The following DNAH3 variants were observed in gnomAD, a reference collection of about 807,000 sequenced individuals.
The protein encoded by DNAH3 is axonemal beta dynein heavy chain 3.
DNAH3 carries 332 observed loss-of-function variants against 432.5 expected under a neutral mutation model. The observed-to-expected ratio is 0.77, with a 90% CI of 0.70 to 0.84. The LOEUF is 0.84. Ranked by LOEUF, DNAH3 falls within the 40% of genes least tolerant of loss-of-function variation. The pLI is 0.00. For synonymous variants in DNAH3, 1,956 were observed against 1,900.2 expected (o/e 1.03, Z -0.76); for missense variants, 4,861 against 5,114.0 (o/e 0.95, Z 1.51).
chr16:20,988,035 G>A (rs1338573599), exon 45 of DNAH3: 1 of 1,614,024 alleles, frequency 6.2e-7, no homozygotes, highest in African/African-American at 1.3e-5. Context: ...GGCATTGATG[G>A]AAATGATATT....
chr16:20,936,632 C>G lies in DNAH3; in HGVS notation c.11859+17G>C. On this transcript the variant is annotated intron_variant, in intron 60 of 61. Coordinates refer to ENST00000261383, the Ensembl canonical transcript of DNAH3. ...GCAAGCATGCCAGGTTCCCGGTTAC[C>G]CCTGACTCCCAGGTACCTGGAAGAA... The G allele has an allele frequency of 6.3e-7, 1 of 1,575,444 alleles. No individual in the cohort carries two copies.
intron 51 of DNAH3, among the ~76,000 whole-genome samples, chr16:20,972,739 A>ATT (rs34245316): frequency 0.055 from 5,300 of 95,698 alleles, 316 homozygotes; most frequent in African/African-American, 0.15. Flanking sequence ...ATGCCCCGTG[A>ATT]TTTTTTTTTT....
chr16:20,985,497 G>A (rs2086146799), exon 48 of DNAH3: 2 of 1,614,184 alleles, frequency 1.2e-6, no homozygotes, highest in South Asian at 1.1e-5. Context: ...TCCTAGAGAT[G>A]TGCTCAATGG....
exon 62 of DNAH3, chr16:20,933,450 C>T: frequency 6.2e-7 from 1 of 1,613,694 alleles, no homozygotes; most frequent in Non-Finnish European, 8.5e-7. Context: ...AAGAAGAGCC[C>T]TTTGATGTAG....
In DNAH3 at chr16:21,116,500, C is replaced by G. The variant is rs372481808; in HGVS notation, c.1814+703G>C. Among the ~76,000 whole-genome samples, 58 of 152,214 alleles carry G rather than the reference C, an allele frequency of 3.8e-4. No homozygotes were observed. In the South Asian group the frequency reaches 0.012, roughly 31 times the overall value. The stretch of plus-strand genomic sequence containing the variant: ...TTCCCCTTTTGCCACGACCGACCGA[C>G]CATAAGTTTCCTGAGGCCACCCCAG... On this transcript the variant is annotated intron_variant, in intron 12 of 61. Transcript: ENST00000261383.
intron 1 of DNAH3, among the ~76,000 whole-genome samples, chr16:21,148,531 C>A (rs1041006753): frequency 6.6e-6 from 1 of 151,866 alleles, no homozygotes; most frequent in Non-Finnish European, 1.5e-5. Context: ...GCAACCTCCA[C>A]CCCCTAGGTT....
chr16:20,985,005 AAC>A (rs2086118884), intron 48 of DNAH3, 42 bp downstream of exon 48: 2 of 1,522,626 alleles, frequency 1.3e-6, no homozygotes, highest in Non-Finnish European at 8.9e-7. Context: ...AAGACCCCAA[AAC>A]ACCCAGAAGA....
chr16:20,961,072 A>C lies in DNAH3; in HGVS notation c.10601-1668T>G, dbSNP rs140553632. Among the ~76,000 whole-genome samples the C allele has an allele frequency of 6.2e-3, 946 of 152,330 alleles. 4 individuals are homozygous for C. The highest frequency in any genetic ancestry group is 0.027 in the Middle Eastern group (8 of 294). The stretch of plus-strand genomic sequence containing the variant: ...TTGCTGATGGTGAACTCACACTAAA[A>C]AAAAACCTACACGAGGAAGTACATC... On this transcript the variant is annotated intron_variant, in intron 53 of 61. Transcript: ENST00000261383.
intron 39 of DNAH3, among the ~76,000 whole-genome samples, chr16:21,023,078 T>C (rs2088336076): frequency 6.6e-6 from 1 of 152,222 alleles, no homozygotes; most frequent in Non-Finnish European, 1.5e-5. Context: ...TGACTTTCCC[T>C]ATACACATTT....
intron 18 of DNAH3, among the ~76,000 whole-genome samples, chr16:21,094,768 C>T (rs1327570726): frequency 6.6e-6 from 1 of 152,106 alleles, no homozygotes; most frequent in Admixed American, 6.6e-5. Flanking sequence ...CCCATAATCC[C>T]CACATGTTGT....
At chr16:21,141,497 G>GCA (rs2092718838) in intron 3 of DNAH3, 125 bp from the exon 5 acceptor site, 2 of 651,964 alleles carry the variant, frequency 3.1e-6, no homozygotes, top group Non-Finnish European at 5.2e-6. Flanking sequence ...GGTACGGTGT[G>GCA]ACGTGGCAGG....
chr16:20,990,264 T>C (rs1445676134), intron 44 of DNAH3, among the ~76,000 whole-genome samples: 1 of 152,272 alleles, frequency 6.6e-6, no homozygotes, highest in Non-Finnish European at 1.5e-5. Context: ...GGTATCCTTA[T>C]ATCATCTATC....
intron 19 of DNAH3, among the ~76,000 whole-genome samples, chr16:21,084,997 T>A (rs1483903525): frequency 6.9e-6 from 1 of 144,372 alleles, no homozygotes; most frequent in Non-Finnish European, 1.5e-5. Flanking sequence ...AAGTCCTAGT[T>A]AGGCTGGGTC....
chr16:20,938,969 T>C (rs2083701289), intron 59 of DNAH3, among the ~76,000 whole-genome samples: 1 of 152,120 alleles, frequency 6.6e-6, no homozygotes, highest in Non-Finnish European at 1.5e-5. Context: ...TTTGCCATGT[T>C]GCCCAAGCTG....
chr16:20,982,951 G>A, intron 48 of DNAH3, 65 bp from the exon 49 acceptor site: 1 of 1,589,144 alleles, frequency 6.3e-7, no homozygotes, highest in Non-Finnish European at 8.6e-7. Flanking sequence ...GAGGCAGGCG[G>A]GTATTCCCAA....
Position 20,971,587 on chromosome 16 carries a change from A to G in DNAH3, c.8260-1597T>C, listed in dbSNP as rs533115047. ...CCCTGGAAGAGGGATGGGATGGCAG[A>G]GACTTGAGCCTCACCCTTTGCACCG... On this transcript the variant is annotated intron_variant, in intron 51 of 61. Coordinates refer to ENST00000261383, the Ensembl canonical transcript of DNAH3. Among the ~76,000 whole-genome samples the G allele has an allele frequency of 7.6e-4, 115 of 152,252 alleles. 1 individual carries two copies. The highest frequency in any genetic ancestry group is 2.6e-3 in the African/African-American group (108 of 41,548).
intron 31 of DNAH3, among the ~76,000 whole-genome samples, chr16:21,047,993 TCAGGGGTCAGGGACC>T (rs913300504): frequency 2.0e-5 from 3 of 151,792 alleles, no homozygotes; most frequent in African/African-American, 7.3e-5. Context: ...TGCTCGGGGG[TCAGGGGTCAGGGACC>T]CACTTGAGGA....
At chr16:20,944,164 G>C (rs1208301684) in intron 58 of DNAH3, among the ~76,000 whole-genome samples, 1 of 149,022 alleles carries the variant, frequency 6.7e-6, no homozygotes, top group African/African-American at 2.5e-5. Context: ...AAAAAAGAGA[G>C]TTAGTTTTAA....
intron 44 of DNAH3, among the ~76,000 whole-genome samples, chr16:20,992,576 G>A (rs1035099268): frequency 6.6e-6 from 1 of 152,158 alleles, no homozygotes; most frequent in Admixed American, 6.5e-5. Context: ...TCCTGACCTC[G>A]TGATCTGCCT....
Sources: gnomAD v4.1 joint callset for allele counts (sites outside exome capture counted in the v4.1 genomes callset) on GRCh38, gnomAD v4.1.1 for gene constraint, MANE v1.5 for transcripts, NCBI Gene and HGNC (gene_info 2026-07-23, HGNC 2026-07-21) for gene names.